TOPBP1: variants seen among roughly 807,000 people sequenced by gnomAD.
The protein encoded by TOPBP1 is DNA topoisomerase 2-binding protein 1.
TOPBP1 carries 28 observed loss-of-function variants against 167.7 expected under a neutral mutation model. The ratio of observed to expected loss-of-function variants is 0.17; its 90% CI spans 0.12 to 0.23. The LOEUF (loss-of-function observed/expected upper bound fraction) is 0.23, where lower values mean the gene tolerates loss of function less well. Among genes scored for constraint, TOPBP1 ranks in the 10% least tolerant of loss-of-function variants. The pLI is 1.00. For missense variants in TOPBP1, 1,554 were observed against 1,809.6 expected, an observed-to-expected ratio of 0.86 and a Z score of 2.56; for synonymous variants, 598 against 611.4, an observed-to-expected ratio of 0.98 and a Z score of 0.32.
chr3:133,606,426 G>C (rs542552317), intron 27 of TOPBP1, among the ~76,000 whole-genome samples: 1 of 149,270 alleles, frequency 6.7e-6, no homozygotes, highest in South Asian at 2.2e-4. Context: ...GCTCAACACT[G>C]TAAAGATGTT....
At position 133,616,810 on chromosome 3, in the gene TOPBP1, G is replaced by T. The variant is rs752257869; in HGVS notation, c.3871+4C>A. The stretch of plus-strand genomic sequence containing the variant: ...CATTTTGGATTTAAGTAAAATACTG[G>T]TACCTAGTTTCTCAATCAGATGACA... On this transcript the variant is annotated splice_donor_region_variant and intron_variant, in intron 23 of 27. Coordinates refer to ENST00000260810, the MANE Select transcript of TOPBP1 (RefSeq NM_007027.4). The T allele has an allele frequency of 1.8e-5, 26 of 1,481,014 alleles. No individual in the cohort carries two copies. The highest frequency in any genetic ancestry group is 2.3e-5 in the Non-Finnish European group (26 of 1,111,124). 91.7% of individuals were successfully genotyped at this position (1,481,014 alleles called of 1,614,324 possible). A position where few individuals can be genotyped will look rare whatever the true frequency, so the allele number is the denominator to read the frequency against.
Position 133,638,077 on chromosome 3 carries a change from G to C in TOPBP1, c.2319C>G (p.His773Gln), listed in dbSNP as rs1406948516. The change falls in exon 14 of 28, where the codon CAC becomes CAG. Residue 773 changes from histidine (H) to glutamine (Q), a missense_variant. Physicochemically the swap from His to Gln is conservative, Grantham distance 24. This residue lies in a region of TOPBP1 where 1,197 missense variants were observed against 1,351.5 expected (regional missense o/e 0.89). Transcript: ENST00000260810. ...AEHPGTRLQT[H>Q]RKTVVTPLDM... ...CTAAAGGTGTAACGACGGTTTTTCT[G>C]TGAGTTTGCAGGCGTGTGCCAGGAT... The C allele has an allele frequency of 7.4e-6, 12 of 1,613,990 alleles. No homozygotes were observed. Among genetic ancestry groups the C allele is most frequent in the East Asian group, 2.2e-5 (1 of 44,894 alleles).
chr3:133,639,503 C>T (rs539741342), intron 13 of TOPBP1, among the ~76,000 whole-genome samples: 146 of 152,104 alleles, frequency 9.6e-4, no homozygotes, highest in African/African-American at 2.8e-3. Context: ...ATGTAAATGA[C>T]GAATTAATGG....
chr3:133,650,078 T>C (rs1936232086), intron 8 of TOPBP1, 135 bp from the exon 9 acceptor site: 2 of 751,692 alleles, frequency 2.7e-6, no homozygotes, highest in Non-Finnish European at 3.8e-6. Flanking sequence ...AAATACATTC[T>C]GAAACTTTTG....
At chr3:133,640,285 A>C (rs1357933639) in intron 12 of TOPBP1, 115 bp from the exon 13 acceptor site, 1 of 884,152 alleles carries the variant, frequency 1.1e-6, no homozygotes, top group Non-Finnish European at 1.7e-6. Flanking sequence ...AAAAAAAAAT[A>C]CTGATTAAAA....
At position 133,655,301 on chromosome 3, in the gene TOPBP1, T is replaced by C; in HGVS notation, c.731A>G (p.Gln244Arg). Reference sequence around the variant, plus strand: ...AAACACAGTTTTACCTTTTGGTTCTTGCACAATGAGGTGTGTACATTCATT... The same window carrying C: ...AAACACAGTTTTACCTTTTGGTTCTCGCACAATGAGGTGTGTACATTCATT... ...KMNECTHLIVQEPKGQKYECA... is the reference protein window; with the variant it reads ...KMNECTHLIVREPKGQKYECA... The change falls in exon 6 of 28, where the codon CAA (glutamine) becomes CGA (arginine). Residue 244 changes from glutamine (Q) to arginine (R), a missense_variant. Gln to Arg is a conservative substitution (Grantham distance 43). This residue lies in a region of TOPBP1 where 1,197 missense variants were observed against 1,351.5 expected (regional missense o/e 0.89). Coordinates refer to ENST00000260810, the MANE Select transcript of TOPBP1 (RefSeq NM_007027.4). 3 of 1,428,364 alleles carry C rather than the reference T, an allele frequency of 2.1e-6. No homozygotes were observed. Among genetic ancestry groups the C allele is most frequent in the Non-Finnish European group, 2.8e-6 (3 of 1,084,102 alleles). The allele number at this position is 1,428,364 out of a possible 1,614,324, so 88.5% of individuals were successfully genotyped here.
Position 133,601,131 on chromosome 3 carries a change from T to G in TOPBP1, c.*119A>C, listed in dbSNP as rs546554750. The G allele has an allele frequency of 1.2e-6, 1 of 818,488 alleles. No homozygotes were observed. Among genetic ancestry groups the G allele is most frequent in the East Asian group, 2.9e-5 (1 of 34,092 alleles). 50.7% of individuals were successfully genotyped at this position (818,488 alleles called of 1,614,324 possible). ...AACTCAAGAAGGGTCATCATTATAC[T>G]CTGAAGCAGAATTCTTCAGGTACTC... On this transcript the variant is annotated 3_prime_UTR_variant, in exon 28 of 28. Transcript: ENST00000260810.
Position 133,600,607 on chromosome 3 carries a change from C to T in TOPBP1, c.*643G>A, listed in dbSNP as rs544794074. The T allele has an allele frequency of 1.3e-5, 2 of 152,712 alleles. No homozygotes were observed. Among genetic ancestry groups the T allele is most frequent in the East Asian group, 3.9e-4 (2 of 5,184 alleles). 9.5% of individuals were successfully genotyped at this position (152,712 alleles called of 1,614,324 possible). A position where few individuals can be genotyped will look rare whatever the true frequency, so the allele number is the denominator to read the frequency against. On this transcript the variant is annotated 3_prime_UTR_variant, in exon 28 of 28. Transcript: ENST00000260810. Reference sequence around the variant, plus strand: ...CAACAGAAGAACAGATGCCAGGGTGCTCTTTTAAAAAATTTATCTATGTAA... The same window carrying T: ...CAACAGAAGAACAGATGCCAGGGTGTTCTTTTAAAAAATTTATCTATGTAA...
intron 19 of TOPBP1, among the ~76,000 whole-genome samples, chr3:133,620,733 C>T (rs1451742815): frequency 6.6e-6 from 1 of 151,930 alleles, no homozygotes; most frequent in Non-Finnish European, 1.5e-5. Flanking sequence ...ATCACCATGC[C>T]GGGCTAATTT....
At chr3:133,649,257 A>G in intron 10 of TOPBP1, 126 bp downstream of exon 10, 1 of 1,333,370 alleles carries the variant, frequency 7.5e-7, no homozygotes, top group Non-Finnish European at 9.9e-7. Context: ...TATGAGGAAA[A>G]TTTTAAGGAA....
chr3:133,609,831 TG>T (rs1281653804), intron 25 of TOPBP1, among the ~76,000 whole-genome samples: 2 of 152,204 alleles, frequency 1.3e-5, no homozygotes, highest in African/African-American at 4.8e-5. Context: ...CATAGCAGCG[TG>T]AGAACGAACT....
At chr3:133,613,193 C>G (rs1490340281) in intron 23 of TOPBP1, among the ~76,000 whole-genome samples, 1 of 152,116 alleles carries the variant, frequency 6.6e-6, no homozygotes, top group Non-Finnish European at 1.5e-5. Flanking sequence ...ATTCTAGATA[C>G]CATGTTACTG....
intron 8 of TOPBP1, among the ~76,000 whole-genome samples, chr3:133,650,353 T>TTGTGTGTGTG (rs141835340): frequency 1.0e-5 from 1 of 99,452 alleles, no homozygotes; most frequent in African/African-American, 3.8e-5. Context: ...TGGGCTTAAA[T>TTGTGTGTGTG]TGTGTGTGTG....
At chr3:133,640,689 G>A (rs931499105) in intron 12 of TOPBP1, among the ~76,000 whole-genome samples, 2 of 152,038 alleles carry the variant, frequency 1.3e-5, no homozygotes, top group African/African-American at 4.8e-5. Context: ...GATTACAGGC[G>A]TGAACCACCT....
intron 14 of TOPBP1, among the ~76,000 whole-genome samples, chr3:133,629,001 T>A (rs889299344): frequency 6.6e-6 from 1 of 152,156 alleles, no homozygotes; most frequent in African/African-American, 2.4e-5. Flanking sequence ...CTAACTAGCT[T>A]ACATTTTCAG....
At chr3:133,619,890 G>C (rs538615850) in intron 20 of TOPBP1, among the ~76,000 whole-genome samples, 1 of 152,312 alleles carries the variant, frequency 6.6e-6, no homozygotes, top group East Asian at 1.9e-4. Flanking sequence ...GGAAGGACAA[G>C]CTAGAACGAA....
At chr3:133,606,585 T>C (rs909182549) in intron 27 of TOPBP1, among the ~76,000 whole-genome samples, 1 of 151,192 alleles carries the variant, frequency 6.6e-6, no homozygotes, top group Non-Finnish European at 1.5e-5. Flanking sequence ...TAAATAACCT[T>C]GAAAAAGACA....
At position 133,649,648 on chromosome 3, in the gene TOPBP1, CAT is replaced by C. The variant is rs1370435624; in HGVS notation, c.1254-17_1254-16del. The stretch of plus-strand genomic sequence containing the variant: ...CTACATGAGGCCTACAAAAATAGCA[CAT>C]AGTTATGTATTAGTGCAAGCTATAA... On this transcript the variant is annotated splice_polypyrimidine_tract_variant and intron_variant, in intron 9 of 27. Coordinates refer to ENST00000260810, the MANE Select transcript of TOPBP1 (RefSeq NM_007027.4). 27 of 1,612,124 alleles carry C rather than the reference CAT, an allele frequency of 1.7e-5. No homozygotes were observed. The highest frequency in any genetic ancestry group is 3.3e-5 in the South Asian group (3 of 90,868).
intron 27 of TOPBP1, among the ~76,000 whole-genome samples, chr3:133,607,206 T>C (rs1297603137): frequency 1.3e-5 from 2 of 152,134 alleles, no homozygotes; most frequent in Non-Finnish European, 2.9e-5. Context: ...TATTTACTGG[T>C]TGAGCAACCG....
Sources: allele counts gnomAD v4.1 joint callset (sites outside exome capture counted in the v4.1 genomes callset), GRCh38; gene constraint gnomAD v4.1.1; regional missense constraint gnomAD v4.1.1; transcripts MANE v1.5; gene names NCBI Gene and HGNC (gene_info 2026-07-23, HGNC 2026-07-21).